UNC80: variants seen among roughly 807,000 people sequenced by gnomAD.
The protein encoded by UNC80 is protein unc-80 homolog.
In UNC80, 164 loss-of-function variants were observed where a neutral mutation model predicts 384.6. The observed-to-expected ratio is 0.43, with a 90% CI of 0.38 to 0.49. The LOEUF (loss-of-function observed/expected upper bound fraction) is 0.49, where lower values mean the gene tolerates loss of function less well. Among genes scored for constraint, UNC80 ranks in the 20% least tolerant of loss-of-function variants. The pLI is 0.00. For missense variants in UNC80, 3,330 were observed against 4,143.0 expected (o/e 0.80, Z 5.39); for synonymous variants, 1,486 against 1,527.8 (o/e 0.97, Z 0.64).
In UNC80 at chr2:209,937,556, C is replaced by T; in HGVS notation, c.6391C>T (p.Arg2131Trp). Residue 2131 changes from arginine to tryptophan, a missense_variant, in exon 42 of 65, where the codon CGG becomes TGG. This residue lies in a region of UNC80 where 1,049 missense variants were observed against 1,488.6 expected (regional missense o/e 0.70). Coordinates refer to ENST00000673920, the MANE Select transcript of UNC80 (RefSeq NM_001371986.1). ...CTATGTTCGAGATATTTATCCTTTC[C>T]GGAGGTCAGTATCTCCCCAGCTGAA... ...KTYVRDIYPFRRSVSPQLNLV... is the reference protein window; with the variant it reads ...KTYVRDIYPFWRSVSPQLNLV... The T allele has an allele frequency of 2.6e-6, 4 of 1,551,358 alleles. No individual in the cohort carries two copies. Among genetic ancestry groups the T allele is most frequent in the Non-Finnish European group, 3.5e-6 (4 of 1,146,630 alleles).
At chr2:209,840,467 C>T (rs992780094) in intron 19 of UNC80, 75 bp from the exon 20 acceptor site, 68 of 1,267,878 alleles carry the variant, frequency 5.4e-5, no homozygotes, top group Non-Finnish European at 7.2e-5. Flanking sequence ...GCTTGTTGGG[C>T]TTATGTTGAC....
intron 49 of UNC80, among the ~76,000 whole-genome samples, chr2:209,958,061 A>G (rs907222688): frequency 6.6e-5 from 10 of 152,294 alleles, no homozygotes; most frequent in Non-Finnish European, 1.3e-4. Flanking sequence ...CAAATAAACA[A>G]TAATAATCAG....
At chr2:209,800,265 A>G (rs1166360964) in intron 7 of UNC80, among the ~76,000 whole-genome samples, 1 of 152,104 alleles carries the variant, frequency 6.6e-6, no homozygotes, top group East Asian at 1.9e-4. Context: ...GGGGATTCAA[A>G]TTCTTCCTGG....
chr2:209,987,087 G>A (rs2093304882), intron 61 of UNC80, among the ~76,000 whole-genome samples: 1 of 152,062 alleles, frequency 6.6e-6, no homozygotes, highest in South Asian at 2.1e-4. Flanking sequence ...GAGAATATCA[G>A]GAAGCATATC....
intron 12 of UNC80, among the ~76,000 whole-genome samples, chr2:209,819,962 T>A (rs1195964172): frequency 1.3e-5 from 2 of 152,218 alleles, no homozygotes; most frequent in Non-Finnish European, 2.9e-5. Context: ...ATTTTTATTT[T>A]AAAAAATCAA....
At chr2:209,921,427 T>C in intron 33 of UNC80, 73 bp from the exon 34 acceptor site, 3 of 1,386,258 alleles carry the variant, frequency 2.2e-6, no homozygotes, top group Non-Finnish European at 1.9e-6. Context: ...GTGTCATTCA[T>C]TGGAACACTC....
chr2:209,831,526 A>G lies in UNC80; in HGVS notation c.2710A>G (p.Met904Val), dbSNP rs1303467359. Reference sequence around the variant, plus strand: ...TGTGGAAGGCATTATCGTCAGCGCCATGTTTAAATCCCTCATCACACGCTG... The same window carrying G: ...TGTGGAAGGCATTATCGTCAGCGCCGTGTTTAAATCCCTCATCACACGCTG... ...QNVEGIIVSAMFKSLITRCAS... is the reference protein window; with the variant it reads ...QNVEGIIVSAVFKSLITRCAS... The change falls in exon 16 of 65, where the codon ATG becomes GTG. Residue 904 changes from methionine to valine, a missense_variant. Met to Val is a conservative substitution (Grantham distance 21). This residue lies in a region of UNC80 where 937 missense variants were observed against 1,026.8 expected (regional missense o/e 0.91). Coordinates refer to ENST00000673920, the MANE Select transcript of UNC80 (RefSeq NM_001371986.1). 2 of 1,551,210 alleles carry G rather than the reference A, an allele frequency of 1.3e-6. No homozygotes were observed. The highest frequency in any genetic ancestry group is 8.7e-7 in the Non-Finnish European group (1 of 1,146,822).
intron 15 of UNC80, among the ~76,000 whole-genome samples, chr2:209,829,697 A>G (rs2080811324): frequency 6.6e-6 from 1 of 152,166 alleles, no homozygotes; most frequent in Non-Finnish European, 1.5e-5. Flanking sequence ...ACATTCTGTT[A>G]TATGACCTCT....
At chr2:209,800,679 C>G (rs185944438) in intron 7 of UNC80, among the ~76,000 whole-genome samples, 1 of 152,224 alleles carries the variant, frequency 6.6e-6, no homozygotes, top group East Asian at 1.9e-4. Flanking sequence ...TTTTAGCTTT[C>G]TGATATGGAC....
chr2:209,831,960 T>C (rs765869407), intron 16 of UNC80, among the ~76,000 whole-genome samples: 6 of 152,236 alleles, frequency 3.9e-5, no homozygotes, highest in Non-Finnish European at 8.8e-5. Context: ...ATATTTACTT[T>C]AAAAATTAAT....
chr2:209,952,848 T>C (rs2092247681), intron 47 of UNC80, among the ~76,000 whole-genome samples: 2 of 152,268 alleles, frequency 1.3e-5, no homozygotes, highest in East Asian at 1.9e-4. Flanking sequence ...GCCAAAAAAA[T>C]AGGAGAACTC....
At chr2:209,958,068 T>G (rs1453008554) in intron 49 of UNC80, among the ~76,000 whole-genome samples, 1 of 152,150 alleles carries the variant, frequency 6.6e-6, no homozygotes, top group Non-Finnish European at 1.5e-5. Flanking sequence ...ACAATAATAA[T>G]CAGGAGGTGG....
Position 209,775,924 on chromosome 2 carries a change from T to C in UNC80, c.177T>C (p.His59=). The change falls in exon 3 of 65, where the codon CAT becomes CAC. Residue 59 remains histidine, a synonymous_variant. Transcript: ENST00000673920. ...GAGTGTTGGTAGAAAACAAGCTGCA[T>C]GGCCTCTCTCCAGCTCTCTCTGAAG... ...FERVLVENKL[H]GLSPALSEAI... is the part of the protein sequence containing the mutation. 6.2e-7 allele frequency: 1 copy of C among 1,614,178 alleles called. No individual in the cohort carries two copies. The highest frequency in any genetic ancestry group is 1.1e-5 in the South Asian group (1 of 91,086).
chr2:209,872,714 G>A lies in UNC80; in HGVS notation c.3628-44G>A. 1.4e-6 allele frequency: 2 copies of A among 1,477,368 alleles called. No homozygotes were observed. The highest frequency in any genetic ancestry group is 1.9e-6 in the Non-Finnish European group (2 of 1,080,316). The allele number at this position is 1,477,368 out of a possible 1,614,324, so 91.5% of individuals were successfully genotyped here. ...CCTTTAAGACCAATTTAAAGTTATT[G>A]TTCATTAATCCCACATTATTCTTTC... On this transcript the variant is annotated intron_variant, in intron 22 of 64. Transcript: ENST00000673920. The surrounding 1 kb of genome is among the most constrained non-coding windows in gnomAD (Gnocchi z 4.1).
At chr2:209,799,330 T>C (rs906200885) in intron 7 of UNC80, among the ~76,000 whole-genome samples, 12 of 152,158 alleles carry the variant, frequency 7.9e-5, no homozygotes, top group African/African-American at 2.9e-4. Context: ...ATTATCTTTG[T>C]AGCAATTGTG....
intron 34 of UNC80, 58 bp from the exon 35 acceptor site, chr2:209,922,194 A>G: frequency 6.5e-7 from 1 of 1,537,194 alleles, no homozygotes; most frequent in Non-Finnish European, 8.8e-7. Context: ...CAACAATGTG[A>G]TAATAATAAC....
At position 209,872,908 on chromosome 2, in the gene UNC80, G is replaced by A. The variant is rs745559362; in HGVS notation, c.3778G>A (p.Gly1260Ser). ...GLSRGRSPIV[G>S]NKRNQKLQWN... ...TTCCCGGGGACGCTCTCCCATTGTGGGCAACAAGCGAAACCAGAAGCTGCA... is the reference window on the plus strand; with the variant it reads ...TTCCCGGGGACGCTCTCCCATTGTGAGCAACAAGCGAAACCAGAAGCTGCA... Residue 1260 changes from glycine (G) to serine (S), a missense_variant, in exon 23 of 65, where the codon GGC becomes AGC. Transcript: ENST00000673920. The surrounding 1 kb of genome is among the most constrained non-coding windows in gnomAD (Gnocchi z 4.1). 9.0e-5 allele frequency: 140 copies of A among 1,551,432 alleles called. No individual in the cohort carries two copies. Among genetic ancestry groups the A allele is most frequent in the South Asian group, 3.8e-4 (32 of 84,054 alleles).
intron 22 of UNC80, among the ~76,000 whole-genome samples, chr2:209,857,665 C>A (rs1160565): frequency 0.16 from 24,729 of 151,896 alleles, 2,629 homozygotes; most frequent in African/African-American, 0.29. Flanking sequence ...ATATTCTTTT[C>A]TCTATTGTAA....
intron 22 of UNC80, among the ~76,000 whole-genome samples, chr2:209,870,500 G>T (rs1559234214): frequency 6.6e-6 from 1 of 152,102 alleles, no homozygotes; most frequent in Non-Finnish European, 1.5e-5. Context: ...CCTGTGACCT[G>T]CTTCCTAGTC....
Sources: allele counts gnomAD v4.1 joint callset (sites outside exome capture counted in the v4.1 genomes callset), GRCh38; gene constraint gnomAD v4.1.1; regional missense constraint gnomAD v4.1.1; non-coding constraint Gnocchi (gnomAD v3.1); transcripts MANE v1.5; gene names NCBI Gene and HGNC (gene_info 2026-07-23, HGNC 2026-07-21).